VAV2: variants seen among roughly 807,000 people sequenced by gnomAD.
VAV2 encodes guanine nucleotide exchange factor VAV2.
Under a neutral mutation model 132.5 loss-of-function variants are expected in VAV2, and 67 were observed. The ratio of observed to expected loss-of-function variants is 0.51; its 90% CI spans 0.42 to 0.62. The LOEUF (loss-of-function observed/expected upper bound fraction) is 0.62. Ranked by LOEUF, VAV2 falls within the 20% of genes least tolerant of loss-of-function variation. The pLI, the probability that VAV2 is intolerant of heterozygous loss-of-function variation, is 0.00. For synonymous variants in VAV2, 492 were observed against 443.5 expected, an observed-to-expected ratio of 1.11 and a Z score of -1.37; for missense variants, 938 against 1,153.6, an observed-to-expected ratio of 0.81 and a Z score of 2.71.
rs1838682303 is a variant in VAV2, at chr9:133,885,817, C to A, written c.322-24385G>T. Among the ~76,000 whole-genome samples the A allele has an allele frequency of 6.6e-6, 1 of 152,222 alleles. No homozygotes were observed. The highest frequency in any genetic ancestry group is 2.4e-5 in the African/African-American group (1 of 41,458). On this transcript the variant is annotated intron_variant, in intron 2 of 29. Coordinates refer to ENST00000371850, the MANE Select transcript of VAV2 (RefSeq NM_001134398.2). This position sits in a 1 kb window ranked among gnomAD's most constrained non-coding sequence, Gnocchi z 5.0. ...AAACCCTTCACAAAGCACTCACCCACTTACCCTTGGGCTGGAAGGAACCAC... is the reference window on the plus strand; with the variant it reads ...AAACCCTTCACAAAGCACTCACCCAATTACCCTTGGGCTGGAAGGAACCAC...
intron 2 of VAV2, among the ~76,000 whole-genome samples, chr9:133,916,407 G>A (rs1428659184): frequency 2.6e-5 from 4 of 152,218 alleles, no homozygotes; most frequent in African/African-American, 9.6e-5. Flanking sequence ...GAAGGTGGTG[G>A]GTGCCAACGA....
chr9:133,903,773 G>C (rs10993851), intron 2 of VAV2, among the ~76,000 whole-genome samples: 11,016 of 152,192 alleles, frequency 0.072, 712 homozygotes, highest in African/African-American at 0.17. Flanking sequence ...CGAGGGAAAA[G>C]GGGTCCCTGG....
At chr9:133,818,502 T>A (rs897311269) in intron 4 of VAV2, among the ~76,000 whole-genome samples, 1 of 151,930 alleles carries the variant, frequency 6.6e-6, no homozygotes. Flanking sequence ...CACCTGCCCA[T>A]CCCACACCAG....
intron 3 of VAV2, among the ~76,000 whole-genome samples, chr9:133,860,801 T>G (rs1224636829): frequency 6.6e-6 from 1 of 152,172 alleles, no homozygotes. Flanking sequence ...GGGGCTGTTC[T>G]CTCCTCTCAC....
chr9:133,869,039 C>T (rs549569053), intron 2 of VAV2, among the ~76,000 whole-genome samples: 11 of 151,590 alleles, frequency 7.3e-5, no homozygotes, highest in Non-Finnish European at 1.6e-4. Context: ...TCTTGTCACC[C>T]AGGCTGGAGT....
chr9:133,900,850 G>A (rs1839413655), intron 2 of VAV2, among the ~76,000 whole-genome samples: 1 of 151,200 alleles, frequency 6.6e-6, no homozygotes, highest in Non-Finnish European at 1.5e-5. Flanking sequence ...CCAGGCTAGA[G>A]TGCAGTGGCA....
intron 9 of VAV2, among the ~76,000 whole-genome samples, chr9:133,800,604 C>T (rs550873430): frequency 2.6e-5 from 4 of 152,180 alleles, no homozygotes; most frequent in Non-Finnish European, 5.9e-5. Flanking sequence ...CGAGGCAAGT[C>T]TTCATGTAGG....
intron 2 of VAV2, among the ~76,000 whole-genome samples, chr9:133,899,052 A>G (rs1178909931): frequency 6.6e-6 from 1 of 151,434 alleles, no homozygotes; most frequent in Non-Finnish European, 1.5e-5. Flanking sequence ...CGATCTCCTG[A>G]CCTCGTGATC....
intron 2 of VAV2, among the ~76,000 whole-genome samples, chr9:133,899,600 G>A (rs117215756): frequency 2.5e-4 from 37 of 150,744 alleles, no homozygotes; most frequent in Middle Eastern, 3.4e-3. Context: ...AGTAGAGACC[G>A]CGTTTCACCA....
chr9:133,799,813 G>A (rs1022010438), intron 9 of VAV2, among the ~76,000 whole-genome samples: 31 of 152,308 alleles, frequency 2.0e-4, no homozygotes, highest in African/African-American at 7.2e-4. Flanking sequence ...GAAGCCCCCG[G>A]TAGAGTAGGA....
chr9:133,783,663 G>T, intron 18 of VAV2, 72 bp from the exon 19 acceptor site: 2 of 1,439,634 alleles, frequency 1.4e-6, no homozygotes, highest in Non-Finnish European at 2.0e-6. Flanking sequence ...CAAGGTCAAG[G>T]CCCTTGTCCC....
chr9:133,928,327 G>A lies in VAV2; in HGVS notation c.321+10776C>T, dbSNP rs1201384615. On this transcript the variant is annotated intron_variant, in intron 2 of 29. Transcript: ENST00000371850. The surrounding 1 kb of genome is among the most constrained non-coding windows in gnomAD (Gnocchi z 5.4). ...ATGACAACAACTAGCAGATAAAAGA[G>A]GAAATGTTTTCAAGCAGAAACTCTG... Among the ~76,000 whole-genome samples, 1 of 152,196 alleles carries A rather than the reference G, an allele frequency of 6.6e-6. No individual in the cohort carries two copies. The highest frequency in any genetic ancestry group is 2.4e-5 in the African/African-American group (1 of 41,452).
At chr9:133,955,855 G>T (rs1588167366) in intron 1 of VAV2, among the ~76,000 whole-genome samples, 1 of 133,572 alleles carries the variant, frequency 7.5e-6, no homozygotes. Flanking sequence ...CCCAGCCCGA[G>T]GGGAGCCCTC....
intron 1 of VAV2, among the ~76,000 whole-genome samples, chr9:133,976,828 T>A (rs1554821613): frequency 2.0e-5 from 3 of 152,148 alleles, no homozygotes; most frequent in Non-Finnish European, 4.4e-5. Context: ...TCTGTGTGGA[T>A]CCCCCATTCA....
chr9:133,984,629 T>A (rs1423562958), intron 1 of VAV2, among the ~76,000 whole-genome samples: 1 of 151,602 alleles, frequency 6.6e-6, no homozygotes, highest in Non-Finnish European at 1.5e-5. Context: ...TAATTCATAA[T>A]AAGAATATTT....
chr9:133,861,167 A>G (rs1477705420), intron 3 of VAV2: 1 of 500,600 alleles, frequency 2.0e-6, no homozygotes, highest in Non-Finnish European at 3.5e-6. Context: ...ACATGCTTGC[A>G]AGATTTCCCC....
intron 4 of VAV2, among the ~76,000 whole-genome samples, chr9:133,828,613 C>A (rs1200541115): frequency 6.6e-6 from 1 of 152,256 alleles, no homozygotes; most frequent in Non-Finnish European, 1.5e-5. Flanking sequence ...ACTGTCACTG[C>A]AGTGCCACCA....
chr9:133,794,573 A>G lies in VAV2; in HGVS notation c.1101+1095T>C, dbSNP rs759899561. 1.2e-4 allele frequency among the ~76,000 whole-genome samples: 18 copies of G among 152,148 alleles called. No homozygotes were observed. The highest frequency in any genetic ancestry group is 2.1e-4 in the Non-Finnish European group (14 of 68,012). On this transcript the variant is annotated intron_variant, in intron 12 of 29. Transcript: ENST00000371850. This position sits in a 1 kb window ranked among gnomAD's most constrained non-coding sequence, Gnocchi z 4.6. ...CCAGAGGGAGCTCCTTAAATGAGGT[A>G]CCTGGGAAAGGAAAAGGGGGCCCAA...
chr9:133,855,126 A>G (rs1837335547), intron 3 of VAV2, among the ~76,000 whole-genome samples: 1 of 152,222 alleles, frequency 6.6e-6, no homozygotes, highest in Non-Finnish European at 1.5e-5. Flanking sequence ...AGAGAAGGCT[A>G]CAGGAGCCAC....
Sources: allele counts gnomAD v4.1 joint callset (sites outside exome capture counted in the v4.1 genomes callset), GRCh38; gene constraint gnomAD v4.1.1; non-coding constraint Gnocchi (gnomAD v3.1); transcripts MANE v1.5; gene names NCBI Gene and HGNC (gene_info 2026-07-23, HGNC 2026-07-21).